RAD51B: variants seen among roughly 807,000 people sequenced by gnomAD.
The protein encoded by RAD51B is DNA repair protein RAD51 homolog 2.
Under a neutral mutation model 42.2 loss-of-function variants are expected in RAD51B, and 38 were observed. The ratio of observed to expected loss-of-function variants is 0.90; its 90% CI spans 0.70 to 1.18. The LOEUF (loss-of-function observed/expected upper bound fraction) is 1.18. Ranked by LOEUF, RAD51B falls within the 50% of genes most tolerant of loss-of-function variation. RAD51B has a pLI of 0.00. For synonymous variants in RAD51B, 154 were observed against 145.2 expected, an observed-to-expected ratio of 1.06 and a Z score of -0.43; for missense variants, 373 against 400.7, an observed-to-expected ratio of 0.93 and a Z score of 0.59.
rs752304320 is a variant in RAD51B, at chr14:67,865,008, A to G, written c.321A>G (p.Thr107=). ...GVACGSLTEI[T]GPPGCGKTQF... ...TTTTTTTTTTTTTTTTTTAGATTACAGGTCCACCAGGTTGTGGAAAAACTC... is the reference window on the plus strand; with the variant it reads ...TTTTTTTTTTTTTTTTTTAGATTACGGGTCCACCAGGTTGTGGAAAAACTC... The change falls in exon 5 of 11, where the codon ACA becomes ACG. Residue 107 remains threonine, a synonymous_variant. Coordinates refer to ENST00000471583, the MANE Select transcript of RAD51B (RefSeq NM_133510.4). 1.3e-5 allele frequency: 8 copies of G among 607,580 alleles called. No individual in the cohort carries two copies. Among genetic ancestry groups the G allele is most frequent in the Non-Finnish European group, 2.0e-5 (8 of 407,036 alleles). The allele number at this position is 607,580 out of a possible 1,614,324, so 37.6% of individuals were successfully genotyped here.
intron 8 of RAD51B, among the ~76,000 whole-genome samples, chr14:68,388,307 C>G (rs1010274857): frequency 6.6e-6 from 1 of 151,714 alleles, no homozygotes; most frequent in South Asian, 2.1e-4. Flanking sequence ...TGTGTTGGCC[C>G]GGTTGATCTC....
At chr14:68,362,575 C>T (rs542678171) in intron 8 of RAD51B, among the ~76,000 whole-genome samples, 4 of 152,174 alleles carry the variant, frequency 2.6e-5, no homozygotes, top group South Asian at 4.1e-4. Context: ...AGAGGCCGGG[C>T]GCAGTGGCTC....
chr14:68,521,587 TA>T (rs1214006801), intron 10 of RAD51B, among the ~76,000 whole-genome samples: 4 of 152,370 alleles, frequency 2.6e-5, no homozygotes, highest in African/African-American at 9.6e-5. Flanking sequence ...TATATTGTTG[TA>T]AAGAAGCAAA....
intron 7 of RAD51B, among the ~76,000 whole-genome samples, chr14:68,047,522 A>G (rs1460888654): frequency 6.6e-6 from 1 of 152,174 alleles, no homozygotes; most frequent in African/African-American, 2.4e-5. Context: ...ACAGCTTTCA[A>G]GTGTGTTTCT....
intron 7 of RAD51B, among the ~76,000 whole-genome samples, chr14:68,034,452 G>A (rs760575286): frequency 1.3e-5 from 2 of 151,906 alleles, no homozygotes; most frequent in Non-Finnish European, 2.9e-5. Flanking sequence ...TGTATTTTGT[G>A]GAGTCAGAGT....
intron 10 of RAD51B, among the ~76,000 whole-genome samples, chr14:68,474,542 G>A (rs1233475723): frequency 2.0e-5 from 3 of 152,194 alleles, no homozygotes; most frequent in Admixed American, 6.5e-5. Flanking sequence ...AGGAAACTGA[G>A]TTCCAGAAAG....
intron 7 of RAD51B, among the ~76,000 whole-genome samples, chr14:68,019,536 A>C (rs924692089): frequency 1.3e-5 from 2 of 151,932 alleles, no homozygotes; most frequent in African/African-American, 4.8e-5. Context: ...TTTTCAAGCA[A>C]ATTTCCATTG....
At chr14:67,998,959 T>C (rs2075432863) in intron 7 of RAD51B, among the ~76,000 whole-genome samples, 2 of 152,096 alleles carry the variant, frequency 1.3e-5, no homozygotes, top group Admixed American at 1.3e-4. Context: ...TCTTCCTCTT[T>C]AGCACTCTGC....
intron 6 of RAD51B, 63 bp downstream of exon 6, chr14:67,886,051 G>A (rs1276316821): frequency 7.6e-7 from 1 of 1,320,630 alleles, no homozygotes; most frequent in Non-Finnish European, 1.0e-6. Context: ...TATCTTTTAT[G>A]TTTCAGCTTC....
chr14:68,285,789 A>C (rs1480688052), intron 7 of RAD51B, among the ~76,000 whole-genome samples: 1 of 152,216 alleles, frequency 6.6e-6, no homozygotes, highest in African/African-American at 2.4e-5. Context: ...TCTGTTGCAC[A>C]GAGACATGAG....
intron 7 of RAD51B, among the ~76,000 whole-genome samples, chr14:68,248,030 G>A (rs572444171): frequency 6.6e-5 from 10 of 152,248 alleles, no homozygotes; most frequent in Non-Finnish European, 1.3e-4. Context: ...ACACCAAATC[G>A]AAGCTCAGAG....
intron 3 of RAD51B, among the ~76,000 whole-genome samples, chr14:67,828,801 TG>T (rs1283500595): frequency 1.3e-5 from 2 of 152,170 alleles, no homozygotes; most frequent in African/African-American, 4.8e-5. Context: ...TGGTTGTAGG[TG>T]TGCGGTCTTA....
At chr14:68,007,183 A>C (rs561155222) in intron 7 of RAD51B, among the ~76,000 whole-genome samples, 1 of 152,254 alleles carries the variant, frequency 6.6e-6, no homozygotes, top group Non-Finnish European at 1.5e-5. Flanking sequence ...AGGCTCATCT[A>C]TATTACAACA....
intron 7 of RAD51B, among the ~76,000 whole-genome samples, chr14:68,208,181 T>TA (rs763431005): frequency 6.6e-6 from 1 of 152,178 alleles, no homozygotes; most frequent in Non-Finnish European, 1.5e-5. Flanking sequence ...CATGTAATCT[T>TA]ACCTACAGTG....
At chr14:68,490,733 G>C (rs921183879) in intron 10 of RAD51B, among the ~76,000 whole-genome samples, 1 of 152,198 alleles carries the variant, frequency 6.6e-6, no homozygotes, top group Non-Finnish European at 1.5e-5. Context: ...CAGCAACAAA[G>C]AGCGTGGGGT....
At chr14:68,131,714 A>G (rs2140680056) in intron 7 of RAD51B, among the ~76,000 whole-genome samples, 1 of 152,204 alleles carries the variant, frequency 6.6e-6, no homozygotes, top group Admixed American at 6.5e-5. Flanking sequence ...AAAAAAATAA[A>G]AAGATCGACA....
chr14:67,860,637 A>G (rs2042134312), intron 4 of RAD51B, among the ~76,000 whole-genome samples: 1 of 152,158 alleles, frequency 6.6e-6, no homozygotes, highest in South Asian at 2.1e-4. Flanking sequence ...TTACTTTGAA[A>G]TGCATTAAAA....
intron 7 of RAD51B, among the ~76,000 whole-genome samples, chr14:68,277,769 C>T (rs960683724): frequency 6.6e-6 from 1 of 152,038 alleles, no homozygotes; most frequent in Non-Finnish European, 1.5e-5. Flanking sequence ...GACAGAGTCT[C>T]GCTTTGTCAT....
chr14:67,974,007 A>G (rs1292932823), intron 7 of RAD51B, among the ~76,000 whole-genome samples: 1 of 152,130 alleles, frequency 6.6e-6, no homozygotes, highest in Non-Finnish European at 1.5e-5. Context: ...TTTTAGATTC[A>G]GATAAATGCT....
Sources: gnomAD v4.1 joint callset for allele counts (sites outside exome capture counted in the v4.1 genomes callset) on GRCh38, gnomAD v4.1.1 for gene constraint, MANE v1.5 for transcripts, NCBI Gene and HGNC (gene_info 2026-07-23, HGNC 2026-07-21) for gene names.